The following SORL1 variants were observed in gnomAD, a reference collection of about 807,000 sequenced individuals.
The protein encoded by SORL1 is sortilin related receptor 1, also known as sortilin-related receptor.
A neutral mutation model predicts 273.7 loss-of-function variants in SORL1; 127 were observed. That is an observed-to-expected ratio of 0.46 (90% CI 0.40 to 0.54). The LOEUF is 0.54. Among genes scored for constraint, SORL1 ranks in the 20% least tolerant of loss-of-function variants. The pLI is 0.00. For missense variants in SORL1, 2,494 were observed against 2,846.1 expected, an observed-to-expected ratio of 0.88 and a Z score of 2.81; for synonymous variants, 1,031 against 1,067.4, an observed-to-expected ratio of 0.97 and a Z score of 0.66.
chr11:121,501,100 T>G (rs895932929), intron 6 of SORL1, among the ~76,000 whole-genome samples: 1 of 152,216 alleles, frequency 6.6e-6, no homozygotes, highest in African/African-American at 2.4e-5. Context: ...ACTATGTTAC[T>G]TAAATGTATA....
rs1380143224 is a variant in SORL1, at chr11:121,590,187, TG to T, written c.4213+17del. 6 of 1,613,188 alleles carry T rather than the reference TG, an allele frequency of 3.7e-6. No homozygotes were observed. Among genetic ancestry groups the T allele is most frequent in the Non-Finnish European group, 1.7e-6 (2 of 1,179,346 alleles). On this transcript the variant is annotated intron_variant, in intron 30 of 47. Coordinates refer to ENST00000260197, the MANE Select transcript of SORL1 (RefSeq NM_003105.6). ...AAGGATTGTGGAGGTAAGAGGCCCC[TG>T]GGGCCTGGGTTAGCCCCATAACCAA...
At chr11:121,584,641 G>C (rs1184736067) in intron 26 of SORL1, among the ~76,000 whole-genome samples, 1 of 152,014 alleles carries the variant, frequency 6.6e-6, no homozygotes, top group African/African-American at 2.4e-5. Flanking sequence ...ACCCAGGCTG[G>C]AGTATAGTAG....
rs142819282 is a variant in SORL1, at chr11:121,532,394, G to A, written c.1597-70G>A. 1.5e-4 allele frequency: 214 copies of A among 1,386,450 alleles called. No homozygotes were observed. In the African/African-American group the frequency reaches 2.6e-3, roughly 17 times the overall value. 85.9% of individuals were successfully genotyped at this position (1,386,450 alleles called of 1,614,324 possible). On this transcript the variant is annotated intron_variant, in intron 11 of 47. Coordinates refer to ENST00000260197, the MANE Select transcript of SORL1 (RefSeq NM_003105.6). ...ATGTGCACGTGTGTGCATGCCTGTG[G>A]GCATGTGTACATGGTTTCTGCACAA... is the stretch of plus-strand genomic sequence containing the variant.
intron 12 of SORL1, among the ~76,000 whole-genome samples, chr11:121,536,054 A>G (rs1862262643): frequency 6.6e-6 from 1 of 152,204 alleles, no homozygotes; most frequent in African/African-American, 2.4e-5. Context: ...CACGGAAGAG[A>G]AGATCAATTT....
intron 6 of SORL1, among the ~76,000 whole-genome samples, chr11:121,498,640 C>A (rs1035262021): frequency 9.2e-5 from 14 of 152,156 alleles, no homozygotes; most frequent in African/African-American, 3.4e-4. Context: ...CTTTGGGAGT[C>A]TGAGGTGGGT....
At chr11:121,496,767 A>G in intron 5 of SORL1, 102 bp from the exon 6 acceptor site, 1 of 891,490 alleles carries the variant, frequency 1.1e-6, no homozygotes, top group East Asian at 2.6e-5. Context: ...GGGTCACACC[A>G]TGGTAGGCCT....
intron 25 of SORL1, among the ~76,000 whole-genome samples, chr11:121,580,969 G>C (rs1863006752): frequency 6.8e-6 from 1 of 147,172 alleles, no homozygotes. Context: ...CTAGAGTACA[G>C]TGGTGCGATC....
chr11:121,487,810 A>G (rs1861496645), intron 3 of SORL1, among the ~76,000 whole-genome samples: 1 of 152,190 alleles, frequency 6.6e-6, no homozygotes, highest in Non-Finnish European at 1.5e-5. Context: ...GTCCATCTCC[A>G]GGCCTCCTTT....
In SORL1 at chr11:121,479,293, A is replaced by G. The variant is rs1334788813; in HGVS notation, c.528+1050A>G. The stretch of plus-strand genomic sequence containing the variant: ...GGTAGCTCTTAGCTCGGAGAGTTGT[A>G]TTTCGTTGCTTTCTTCCCCACTCTT... On this transcript the variant is annotated intron_variant, in intron 3 of 47. Coordinates refer to ENST00000260197, the MANE Select transcript of SORL1 (RefSeq NM_003105.6). Among the ~76,000 whole-genome samples, 4 of 152,144 alleles carry G rather than the reference A, an allele frequency of 2.6e-5. No individual in the cohort carries two copies. The East Asian group carries it at 7.7e-4, about 29-fold the overall frequency.
chr11:121,557,913 C>G (rs1439581154), intron 19 of SORL1, among the ~76,000 whole-genome samples: 3 of 152,006 alleles, frequency 2.0e-5, no homozygotes, highest in Admixed American at 2.0e-4. Flanking sequence ...TTTCCTCTCT[C>G]GTAGCATTTA....
intron 26 of SORL1, among the ~76,000 whole-genome samples, chr11:121,584,446 G>A (rs1041285549): frequency 2.0e-5 from 3 of 152,120 alleles, no homozygotes; most frequent in Non-Finnish European, 4.4e-5. Flanking sequence ...TACTGTTTCT[G>A]TTTGATATCC....
rs1264061912 is a variant in SORL1, at chr11:121,608,051, G to A, written c.5167-53G>A. 3.4e-6 allele frequency: 5 copies of A among 1,462,510 alleles called. No homozygotes were observed. In the East Asian group the frequency reaches 1.1e-4, roughly 33 times the overall value. 90.6% of individuals were successfully genotyped at this position (1,462,510 alleles called of 1,614,324 possible). Reference sequence around the variant, plus strand: ...GCTCATTCAGTATTCTTACTGTATGGTGTATGGTGTATTGCCTTTATTTCA... The same window carrying A: ...GCTCATTCAGTATTCTTACTGTATGATGTATGGTGTATTGCCTTTATTTCA... On this transcript the variant is annotated intron_variant, in intron 37 of 47. Transcript: ENST00000260197.
chr11:121,547,581 G>A (rs1371460519), intron 14 of SORL1, among the ~76,000 whole-genome samples: 1 of 151,794 alleles, frequency 6.6e-6, no homozygotes, highest in African/African-American at 2.4e-5. Flanking sequence ...TATGTGGAGT[G>A]TTTTTATTGT....
At chr11:121,576,693 T>C (rs903338581) in intron 24 of SORL1, 1 of 1,345,640 alleles carries the variant, frequency 7.4e-7, no homozygotes, top group Non-Finnish European at 9.8e-7. Flanking sequence ...GCTCTGCTGG[T>C]TGGTTCTTAC....
At chr11:121,506,086 C>T (rs7105365) in intron 6 of SORL1, among the ~76,000 whole-genome samples, 45,088 of 151,880 alleles carry the variant, frequency 0.3, 7,604 homozygotes, top group Middle Eastern at 0.42. Context: ...TTTATTTCTC[C>T]CTTCAATTCT....
Position 121,590,157 on chromosome 11 carries a change from A to G in SORL1, c.4196A>G (p.Asp1399Gly), listed in dbSNP as rs147681480. The stretch of plus-strand genomic sequence containing the variant: ...GAGAACGACTGTGGGGACTGGTCTG[A>G]TGAGAAGGATTGTGGAGGTAAGAGG... The part of the protein sequence containing the change: ...DRENDCGDWS[D>G]EKDCGDSHIL... The change falls in exon 30 of 48, where the codon GAT becomes GGT. Residue 1399 changes from aspartate to glycine, a missense_variant. Asp to Gly is a moderately conservative substitution (Grantham distance 94). Around this residue, in one of 3 missense-constraint regions of SORL1, gnomAD observed 1,609 missense variants for 1,816.4 expected, o/e 0.89. Coordinates refer to ENST00000260197, the MANE Select transcript of SORL1 (RefSeq NM_003105.6). 6.2e-7 allele frequency: 1 copy of G among 1,614,028 alleles called. No individual in the cohort carries two copies. The highest frequency in any genetic ancestry group is 1.3e-5 in the African/African-American group (1 of 74,914).
intron 17 of SORL1, 184 bp from the exon 18 acceptor site, chr11:121,555,003 T>G (rs1862556098): frequency 1.9e-6 from 1 of 528,678 alleles, no homozygotes; most frequent in Admixed American, 3.3e-5. Context: ...AACAAAAATG[T>G]AGTATATTTT....
rs1182082979 is a variant in SORL1 at position 121,606,866 on chromosome 11, T to C, written c.4970T>C (p.Leu1657Pro). The stretch of plus-strand genomic sequence containing the variant: ...CTAGTGCCAGATGCCCCTCGAAATC[T>C]CCAGCTGTCACTCCCCAGGGAAGCA... ...PEGLPDAPRN[L>P]QLSLPREAEG... Residue 1657 changes from leucine to proline, a missense_variant, in exon 36 of 48, where the codon CTC becomes CCC. Transcript: ENST00000260197. The C allele has an allele frequency of 6.2e-7, 1 of 1,610,528 alleles. No homozygotes were observed. Among genetic ancestry groups the C allele is most frequent in the Non-Finnish European group, 8.5e-7 (1 of 1,177,808 alleles).
At chr11:121,510,492 G>T (rs970144618) in intron 6 of SORL1, among the ~76,000 whole-genome samples, 1 of 152,162 alleles carries the variant, frequency 6.6e-6, no homozygotes, top group Non-Finnish European at 1.5e-5. Flanking sequence ...ATCCATACTA[G>T]CCTTCAAGTC....
Sources: gnomAD v4.1 joint callset for allele counts (sites outside exome capture counted in the v4.1 genomes callset) on GRCh38, gnomAD v4.1.1 for gene constraint, gnomAD v4.1.1 regional missense constraint, MANE v1.5 for transcripts, NCBI Gene and HGNC (gene_info 2026-07-23, HGNC 2026-07-21) for gene names.